The following GATA4 variants were observed in gnomAD, a reference collection of about 807,000 sequenced individuals.
GATA4 encodes the protein transcription factor GATA-4.
Under a neutral mutation model 37.9 loss-of-function variants are expected in GATA4, and 7 were observed. The observed-to-expected ratio is 0.18, with a 90% confidence interval of 0.11 to 0.35. GATA4 has a LOEUF of 0.35. Ranked by LOEUF, GATA4 falls within the 10% of genes least tolerant of loss-of-function variation. GATA4 has a pLI of 1.00. For missense variants in GATA4, 647 were observed against 653.0 expected (o/e 0.99, Z 0.10); for synonymous variants, 372 against 292.6 (o/e 1.27, Z -2.77).
intron 2 of GATA4, among the ~76,000 whole-genome samples, chr8:11,726,455 C>T (rs764740830): frequency 2.6e-5 from 4 of 152,172 alleles, no homozygotes; most frequent in Admixed American, 6.5e-5. Flanking sequence ...TGGCCAACAC[C>T]GGGGACCTCT....
At chr8:11,731,399 G>A (rs1446771802) in intron 2 of GATA4, among the ~76,000 whole-genome samples, 1 of 152,230 alleles carries the variant, frequency 6.6e-6, no homozygotes, top group Non-Finnish European at 1.5e-5. Flanking sequence ...GTATTACTCA[G>A]CCTTAAAAAG....
chr8:11,723,997 C>T (rs1018538950), intron 2 of GATA4, among the ~76,000 whole-genome samples: 3 of 152,192 alleles, frequency 2.0e-5, no homozygotes, highest in Non-Finnish European at 4.4e-5. Flanking sequence ...CAGCCTCAGG[C>T]AGCCCCCATT....
At chr8:11,755,954 C>G (rs1802542263) in intron 5 of GATA4, among the ~76,000 whole-genome samples, 1 of 148,964 alleles carries the variant, frequency 6.7e-6, no homozygotes, top group African/African-American at 2.4e-5. Context: ...GAGGGCTGTT[C>G]TTTTTTAAAT....
chr8:11,701,414 C>G (rs1434007552), upstream of GATA4, among the ~76,000 whole-genome samples: 1 of 152,144 alleles, frequency 6.6e-6, no homozygotes, highest in Non-Finnish European at 1.5e-5. Flanking sequence ...CTCAGAGCAC[C>G]CACCCGCTGC....
intron 2 of GATA4, among the ~76,000 whole-genome samples, chr8:11,725,908 C>T (rs1019696382): frequency 6.6e-6 from 1 of 152,222 alleles, no homozygotes; most frequent in Non-Finnish European, 1.5e-5. Flanking sequence ...TGGCTTGTCT[C>T]TGCATGCAGC....
At chr8:11,719,700 A>C (rs1388347880) in intron 2 of GATA4, among the ~76,000 whole-genome samples, 1 of 152,176 alleles carries the variant, frequency 6.6e-6, no homozygotes, top group Non-Finnish European at 1.5e-5. Context: ...GTAGTCGTGC[A>C]AGTTACTGTT....
At chr8:11,747,621 C>G (rs2173117) in intron 2 of GATA4, among the ~76,000 whole-genome samples, 2 of 151,940 alleles carry the variant, frequency 1.3e-5, no homozygotes, top group African/African-American at 4.8e-5. Context: ...ATTCCAAGAA[C>G]TGAAAAAGAA....
chr8:11,747,395 G>C (rs554013670), intron 2 of GATA4, among the ~76,000 whole-genome samples: 3 of 152,294 alleles, frequency 2.0e-5, no homozygotes, highest in Non-Finnish European at 2.9e-5. Flanking sequence ...AGGGGTGAGC[G>C]AGTGAAGGGA....
At chr8:11,680,203 A>T (rs1166654921) in intron 1 of GATA4, among the ~76,000 whole-genome samples, 1 of 152,080 alleles carries the variant, frequency 6.6e-6, no homozygotes, top group African/African-American at 2.4e-5. Context: ...TAACGTCCGG[A>T]ATGTCCCGAC....
At chr8:11,722,465 G>T (rs1452322569) in intron 2 of GATA4, among the ~76,000 whole-genome samples, 1 of 152,186 alleles carries the variant, frequency 6.6e-6, no homozygotes, top group African/African-American at 2.4e-5. Flanking sequence ...CAATTTCCCA[G>T]TTTGTCTAAT....
intron 4 of GATA4, among the ~76,000 whole-genome samples, chr8:11,751,918 A>G (rs1469009444): frequency 6.6e-6 from 1 of 152,234 alleles, no homozygotes; most frequent in African/African-American, 2.4e-5. Flanking sequence ...GAACACCATT[A>G]TATCTGGCAG....
At chr8:11,720,391 G>A (rs1316372771) in intron 2 of GATA4, among the ~76,000 whole-genome samples, 1 of 152,006 alleles carries the variant, frequency 6.6e-6, no homozygotes, top group African/African-American at 2.4e-5. Flanking sequence ...TTCCACGGCT[G>A]CCTGCCTTGT....
rs1364880539 is a variant in GATA4, at chr8:11,681,172, C to A, written c.-274+4109C>A. ...AGCTCCGTTCTGTTCGCAGAACCTT[C>A]GGGGGTTAGTCACAGGCCCTGGCCC... On this transcript the variant is annotated intron_variant, in intron 1 of 6. Transcript: ENST00000528712. The A allele has an allele frequency of 6.1e-6, 6 of 985,350 alleles. No individual in the cohort carries two copies. The Admixed American group carries it at 3.7e-4, about 61-fold the overall frequency. The allele number at this position is 985,350 out of a possible 1,614,324, so 61.0% of individuals were successfully genotyped here. A position where few individuals can be genotyped will look rare whatever the true frequency, so the allele number is the denominator to read the frequency against.
chr8:11,683,164 G>A (rs1332204842), intron 1 of GATA4: 4 of 964,784 alleles, frequency 4.1e-6, no homozygotes, highest in African/African-American at 3.5e-5. Context: ...GGAGGGGCTC[G>A]CTATCTAATC....
rs1554488883 is a variant in GATA4, at chr8:11,709,575, C to CTGG, written c.616+647_616+648insTGG. Among the ~76,000 whole-genome samples the CTGG allele has an allele frequency of 3.2e-5, 3 of 93,864 alleles. 1 individual carries two copies. Among genetic ancestry groups the CTGG allele is most frequent in the Non-Finnish European group, 5.7e-5 (3 of 52,246 alleles). The allele number at this position is 93,864 out of a possible 152,430, so 61.6% of individuals were successfully genotyped here. On this transcript the variant is annotated intron_variant, in intron 2 of 6. Transcript: ENST00000532059. The surrounding 1 kb of genome is among the most constrained non-coding windows in gnomAD (Gnocchi z 4.3). ...GCGCGTGGGCGCATCATGCGGGCAGCGGGGGGGGGGGCGCACACGCCCGGT... is the reference window on the plus strand; with the variant it reads ...GCGCGTGGGCGCATCATGCGGGCAGCTGGGGGGGGGGGGGCGCACACGCCCGGT...
intron 1 of GATA4, among the ~76,000 whole-genome samples, chr8:11,682,201 C>G (rs947364949): frequency 1.3e-5 from 2 of 152,198 alleles, no homozygotes; most frequent in Non-Finnish European, 2.9e-5. Flanking sequence ...TGCAGAATTT[C>G]TTAAATGTAG....
intron 1 of GATA4, chr8:11,693,018 C>T: frequency 1.0e-6 from 1 of 985,418 alleles, no homozygotes; most frequent in African/African-American, 1.7e-5. Context: ...CGCACCGAGG[C>T]TTCTGCCAGC....
At position 11,750,064 on chromosome 8, in the gene GATA4, T is replaced by C. The variant is rs376759459; in HGVS notation, c.787-47T>C. ...AGCCACACGCGAGGTGGAAGGGCAG[T>C]GCACACCTTTTACTTGGACATGAAG... On this transcript the variant is annotated intron_variant, in intron 3 of 6. Transcript: ENST00000532059. The C allele has an allele frequency of 2.5e-6, 4 of 1,613,414 alleles. No homozygotes were observed. The African/African-American group carries it at 5.3e-5, about 22-fold the overall frequency.
At chr8:11,744,550 C>T (rs993860814) in intron 2 of GATA4, among the ~76,000 whole-genome samples, 16 of 152,168 alleles carry the variant, frequency 1.1e-4, no homozygotes, top group Non-Finnish European at 1.8e-4. Flanking sequence ...TGGTGCTTAC[C>T]GAGGTTCATA....
Sources: allele counts gnomAD v4.1 joint callset (sites outside exome capture counted in the v4.1 genomes callset), GRCh38; gene constraint gnomAD v4.1.1; non-coding constraint Gnocchi (gnomAD v3.1); transcripts MANE v1.5; gene names NCBI Gene and HGNC (gene_info 2026-07-23, HGNC 2026-07-21).